TRERF1: variants seen among roughly 807,000 people sequenced by gnomAD.
The protein encoded by TRERF1 is transcriptional-regulating factor 1.
A neutral mutation model predicts 122.9 loss-of-function variants in TRERF1; 27 were observed. The observed-to-expected ratio is 0.22, with a 90% confidence interval of 0.16 to 0.30. The LOEUF is 0.30. Ranked by LOEUF, TRERF1 falls within the 10% of genes least tolerant of loss-of-function variation. The pLI, the probability that TRERF1 is intolerant of heterozygous loss-of-function variation, is 1.00. For synonymous variants in TRERF1, 636 were observed against 641.7 expected (o/e 0.99, Z 0.13); for missense variants, 1,248 against 1,560.3 (o/e 0.80, Z 3.37).
chr6:42,250,807 T>C (rs2149676601), intron 13 of TRERF1, among the ~76,000 whole-genome samples: 1 of 152,098 alleles, frequency 6.6e-6, no homozygotes, highest in Non-Finnish European at 1.5e-5. Context: ...AGGAAAACTG[T>C]TTTGACCTTC....
intron 2 of TRERF1, among the ~76,000 whole-genome samples, chr6:42,373,818 C>CAA (rs1308250272): frequency 1.7e-5 from 2 of 116,188 alleles, no homozygotes; most frequent in African/African-American, 3.2e-5. Context: ...GCAACAAGAG[C>CAA]AAAAAAAAAA....
In TRERF1 at chr6:42,261,109, G is replaced by T. The variant is rs1777771602; in HGVS notation, c.1885-1386C>A. Among the ~76,000 whole-genome samples the T allele has an allele frequency of 2.0e-5, 3 of 152,216 alleles. No individual in the cohort carries two copies. In the South Asian group the frequency reaches 6.2e-4, roughly 32 times the overall value. On this transcript the variant is annotated intron_variant, in intron 8 of 17. Transcript: ENST00000372922. ...TCAACCGCCTCTTTTCTCCACCAGA[G>T]GGCTCCTCAGCGCCTGAGGCTGAGG...
chr6:42,410,694 C>T (rs1780984957), intron 2 of TRERF1, among the ~76,000 whole-genome samples: 2 of 152,138 alleles, frequency 1.3e-5, no homozygotes, highest in Admixed American at 6.5e-5. Flanking sequence ...CAATCAATGG[C>T]CATGTGTCTG....
intron 2 of TRERF1, among the ~76,000 whole-genome samples, chr6:42,377,639 A>T (rs1034860692): frequency 1.3e-5 from 2 of 152,208 alleles, no homozygotes; most frequent in Admixed American, 1.3e-4. Context: ...AACATTTATA[A>T]ATCATCCTTC....
chr6:42,349,794 T>C lies in TRERF1; in HGVS notation c.-371+13203A>G, dbSNP rs922994362. ...CCAGATGTTTACCTATTCTCTTTCA[T>C]GGTAACCGCCGAAGAGCCCAGAGGA... On this transcript the variant is annotated intron_variant, in intron 3 of 17. Coordinates refer to ENST00000372922, the Ensembl canonical transcript of TRERF1. 3.3e-5 allele frequency among the ~76,000 whole-genome samples: 5 copies of C among 152,194 alleles called. No homozygotes were observed. The South Asian group carries it at 6.2e-4, about 19-fold the overall frequency.
At chr6:42,378,720 G>A (rs1218048196) in intron 2 of TRERF1, among the ~76,000 whole-genome samples, 3 of 152,188 alleles carry the variant, frequency 2.0e-5, no homozygotes, top group Non-Finnish European at 2.9e-5. Flanking sequence ...TGAGAGAGGG[G>A]AAGTAACTGT....
At chr6:42,310,537 T>A (rs144863602) in intron 3 of TRERF1, among the ~76,000 whole-genome samples, 186 of 152,338 alleles carry the variant, frequency 1.2e-3, no homozygotes, top group African/African-American at 4.2e-3. Context: ...TTGTTGGTTG[T>A]CACAGTTGGG....
chr6:42,346,877 G>A (rs184138826), intron 3 of TRERF1, among the ~76,000 whole-genome samples: 4 of 152,322 alleles, frequency 2.6e-5, no homozygotes, highest in African/African-American at 9.6e-5. Flanking sequence ...CCAATGGAAA[G>A]GAAGAAGTGG....
At chr6:42,246,510 C>G in exon 14 of TRERF1, 1 of 1,606,006 alleles carries the variant, frequency 6.2e-7, no homozygotes, top group Non-Finnish European at 8.5e-7. Flanking sequence ...CTTTGTTAAA[C>G]AGTTTTCTTT....
intron 3 of TRERF1, among the ~76,000 whole-genome samples, chr6:42,327,511 C>A (rs564786584): frequency 2.6e-5 from 4 of 152,252 alleles, no homozygotes; most frequent in African/African-American, 9.6e-5. Flanking sequence ...ATAATGAGGA[C>A]CCCATAAACG....
intron 3 of TRERF1, among the ~76,000 whole-genome samples, chr6:42,317,270 G>A (rs1453555865): frequency 6.6e-6 from 1 of 152,058 alleles, no homozygotes; most frequent in African/African-American, 2.4e-5. Flanking sequence ...CAGTGAATTG[G>A]TTTTGTCTGT....
chr6:42,373,847 A>G (rs972266348), intron 2 of TRERF1, among the ~76,000 whole-genome samples: 19 of 150,458 alleles, frequency 1.3e-4, no homozygotes, highest in African/African-American at 4.6e-4. Context: ...GAAAGAAAAG[A>G]AAAAAGGCCG....
chr6:42,286,307 A>G (rs1355410859), intron 4 of TRERF1, among the ~76,000 whole-genome samples: 1 of 145,056 alleles, frequency 6.9e-6, no homozygotes, highest in East Asian at 2.0e-4. Flanking sequence ...TAATTAAACT[A>G]AAGAGCTTCT....
At chr6:42,348,758 C>G (rs574264940) in intron 3 of TRERF1, among the ~76,000 whole-genome samples, 1 of 152,294 alleles carries the variant, frequency 6.6e-6, no homozygotes, top group African/African-American at 2.4e-5. Flanking sequence ...TAATGGTACA[C>G]TGGTCACTCA....
intron 2 of TRERF1, among the ~76,000 whole-genome samples, chr6:42,431,274 G>A (rs1421708137): frequency 6.6e-6 from 1 of 151,982 alleles, no homozygotes; most frequent in African/African-American, 2.4e-5. Flanking sequence ...TAATAGAAAG[G>A]AGGAAAGCGA....
At chr6:42,270,330 A>AT (rs1486723970) in intron 4 of TRERF1, among the ~76,000 whole-genome samples, 5 of 152,196 alleles carry the variant, frequency 3.3e-5, no homozygotes, top group Non-Finnish European at 7.3e-5. Flanking sequence ...CTTTCAAGCC[A>AT]TTGTTCAATG....
exon 18 of TRERF1, chr6:42,226,707 G>A (rs1769588597): frequency 6.6e-6 from 1 of 152,234 alleles, no homozygotes; most frequent in South Asian, 2.1e-4. Flanking sequence ...CCCCCCATGA[G>A]TGTGTGCTAA....
At chr6:42,248,150 C>CTAG in intron 13 of TRERF1, among the ~76,000 whole-genome samples, 1 of 152,194 alleles carries the variant, frequency 6.6e-6, no homozygotes, top group South Asian at 2.1e-4. Flanking sequence ...AGGTGGGGAG[C>CTAG]CTAGGGTCCT....
At chr6:42,297,353 A>G (rs1247241712) in intron 4 of TRERF1, among the ~76,000 whole-genome samples, 2 of 152,202 alleles carry the variant, frequency 1.3e-5, no homozygotes, top group African/African-American at 4.8e-5. Context: ...CAAAGCAGGA[A>G]CCTTGGAAGG....
Sources: allele counts gnomAD v4.1 joint callset (sites outside exome capture counted in the v4.1 genomes callset), GRCh38; gene constraint gnomAD v4.1.1; transcripts MANE v1.5; gene names NCBI Gene and HGNC (gene_info 2026-07-23, HGNC 2026-07-21).